CYP4X1: variants seen among roughly 807,000 people sequenced by gnomAD.
CYP4X1 encodes cytochrome P450 family 4 subfamily X member 1, also known as cytochrome P450 4X1.
In CYP4X1, 44 loss-of-function variants were observed where a neutral mutation model predicts 57.9. That is an observed-to-expected ratio of 0.76 (90% confidence interval 0.60 to 0.98). The LOEUF is 0.98. CYP4X1 is among the 50% of genes least tolerant of loss of function. CYP4X1 has a pLI of 0.00. For synonymous variants in CYP4X1, 227 were observed against 228.6 expected, an observed-to-expected ratio of 0.99 and a Z score of 0.06; for missense variants, 532 against 623.9, an observed-to-expected ratio of 0.85 and a Z score of 1.57.
In CYP4X1 at chr1:47,050,058, C is replaced by T; in HGVS notation, c.1414C>T (p.Leu472=). 1 of 1,613,994 alleles carries T rather than the reference C, an allele frequency of 6.2e-7. No homozygotes were observed. Residue 472 remains leucine, a synonymous_variant, in exon 12 of 12, where the codon CTG becomes TTG. Coordinates refer to ENST00000371901, the MANE Select transcript of CYP4X1 (RefSeq NM_178033.2). Reference sequence around the variant, plus strand: ...GTTAAAGGTAACCATTGCCTTGATTCTGCTCCACTTCAGAGTGACTCCAGA... The same window carrying T: ...GTTAAAGGTAACCATTGCCTTGATTTTGCTCCACTTCAGAGTGACTCCAGA... ...IELKVTIALI[L]LHFRVTPDPT...
chr1:46,971,053 A>G, the CYP4X1 span, among the ~76,000 whole-genome samples: 1 of 152,150 alleles, frequency 6.6e-6, no homozygotes, highest in Non-Finnish European at 1.5e-5. Flanking sequence ...TGTATTCAAT[A>G]GGTAATTTTT....
At chr1:47,048,445 C>G in intron 9 of CYP4X1, 120 bp from the exon 10 acceptor site, 1 of 1,040,952 alleles carries the variant, frequency 9.6e-7, no homozygotes. Context: ...TCAGCTACAG[C>G]AGGCAGAGCA....
chr1:47,016,373 G>A, the CYP4X1 span, among the ~76,000 whole-genome samples: 7 of 143,842 alleles, frequency 4.9e-5, no homozygotes, highest in East Asian at 8.3e-4. Context: ...ATGGAGTCTT[G>A]CTCTGTTGCC....
chr1:47,048,807 G>A (rs543573137), intron 10 of CYP4X1, among the ~76,000 whole-genome samples, 178 bp downstream of exon 10: 18 of 152,314 alleles, frequency 1.2e-4, no homozygotes, highest in South Asian at 6.2e-4. Context: ...CACTCTTGAC[G>A]TGTATCAGTG....
upstream of CYP4X1, among the ~76,000 whole-genome samples, chr1:47,023,395 A>T (rs974918395): frequency 6.6e-6 from 1 of 152,138 alleles, no homozygotes; most frequent in Non-Finnish European, 1.5e-5. Context: ...TACCTCTACC[A>T]CCTGGGAATT....
chr1:47,049,215 T>C (rs971333598), intron 10 of CYP4X1, among the ~76,000 whole-genome samples: 3 of 152,236 alleles, frequency 2.0e-5, no homozygotes, highest in African/African-American at 7.2e-5. Context: ...TAGTAATTAT[T>C]TATATTGATT....
the CYP4X1 span, among the ~76,000 whole-genome samples, chr1:46,978,223 G>A: frequency 1.3e-5 from 2 of 151,968 alleles, no homozygotes; most frequent in Non-Finnish European, 2.9e-5. Context: ...GCTGTATTGA[G>A]GAGACCCATC....
the CYP4X1 span, among the ~76,000 whole-genome samples, chr1:47,006,502 G>A: frequency 6.6e-6 from 1 of 152,314 alleles, no homozygotes; most frequent in Middle Eastern, 3.4e-3. Flanking sequence ...CTCCCAGTGT[G>A]AGTGATGCAG....
rs756562589 is a variant in CYP4X1, at chr1:47,050,204, T to C, written c.*30T>C. ...CAGGGTACAATGATTAAACGTACTTTGTTTTTCGAAGTTAAATTTACAGCT... is the reference window on the plus strand; with the variant it reads ...CAGGGTACAATGATTAAACGTACTTCGTTTTTCGAAGTTAAATTTACAGCT... On this transcript the variant is annotated 3_prime_UTR_variant, in exon 12 of 12. Transcript: ENST00000371901. The C allele has an allele frequency of 3.1e-6, 5 of 1,611,084 alleles. No individual in the cohort carries two copies. In the African/African-American group the frequency reaches 5.4e-5, roughly 17 times the overall value.
chr1:47,006,473 G>A, the CYP4X1 span, among the ~76,000 whole-genome samples: 1 of 152,156 alleles, frequency 6.6e-6, no homozygotes, highest in Non-Finnish European at 1.5e-5. Context: ...GGCCGAATAG[G>A]AACAGCTCCA....
intron 1 of CYP4X1, among the ~76,000 whole-genome samples, chr1:47,029,719 TG>T (rs1644106291): frequency 6.6e-6 from 1 of 152,174 alleles, no homozygotes; most frequent in African/African-American, 2.4e-5. Context: ...CACCCTCTAT[TG>T]GGACAAGAGT....
intron 8 of CYP4X1, among the ~76,000 whole-genome samples, chr1:47,042,551 C>G (rs1257819720): frequency 6.6e-6 from 1 of 151,896 alleles, no homozygotes; most frequent in Admixed American, 6.6e-5. Context: ...TTTTGATGCA[C>G]CCATCACCTA....
At chr1:47,027,136 G>T (rs1644076143) in intron 1 of CYP4X1, among the ~76,000 whole-genome samples, 1 of 150,536 alleles carries the variant, frequency 6.6e-6, no homozygotes, top group African/African-American at 2.4e-5. Flanking sequence ...TGCATTCATA[G>T]TGTTTTAGAG....
At chr1:47,008,674 A>G in the CYP4X1 span, among the ~76,000 whole-genome samples, 18 of 152,278 alleles carry the variant, frequency 1.2e-4, no homozygotes, top group African/African-American at 3.8e-4. Flanking sequence ...GTATTCAGGA[A>G]ACCCATCTCA....
At chr1:46,965,447 CT>C in the CYP4X1 span, among the ~76,000 whole-genome samples, 1 of 152,088 alleles carries the variant, frequency 6.6e-6, no homozygotes, top group Non-Finnish European at 1.5e-5. Context: ...TTTTGTTTTT[CT>C]TTTAACTCTC....
At chr1:47,027,960 T>A (rs1045710329) in intron 1 of CYP4X1, among the ~76,000 whole-genome samples, 5 of 152,168 alleles carry the variant, frequency 3.3e-5, no homozygotes, top group Non-Finnish European at 5.9e-5. Context: ...AGAGGTAGGA[T>A]CTTTGTTTGC....
the CYP4X1 span, chr1:46,967,641 G>T: frequency 4.8e-6 from 2 of 417,246 alleles, no homozygotes; most frequent in Non-Finnish European, 8.6e-6. Context: ...ACAGGAGCAG[G>T]GGTGAGGAAG....
the CYP4X1 span, among the ~76,000 whole-genome samples, chr1:47,003,783 C>T: frequency 6.6e-6 from 1 of 152,172 alleles, no homozygotes; most frequent in Non-Finnish European, 1.5e-5. Context: ...CAGGACCCAC[C>T]TCCAACAATA....
chr1:46,963,863 C>T, the CYP4X1 span, among the ~76,000 whole-genome samples: 8 of 152,252 alleles, frequency 5.3e-5, no homozygotes, highest in South Asian at 4.1e-4. Flanking sequence ...CCATTCTCCC[C>T]GTCACTTTCA....
Sources: gnomAD v4.1 joint callset for allele counts (sites outside exome capture counted in the v4.1 genomes callset) on GRCh38, gnomAD v4.1.1 for gene constraint, MANE v1.5 for transcripts, NCBI Gene and HGNC (gene_info 2026-07-23, HGNC 2026-07-21) for gene names.